Variants in CWC27 observed in about 807,000 individuals in gnomAD.
CWC27 encodes spliceosome-associated protein CWC27 homolog.
In CWC27, 47 loss-of-function variants were observed where a neutral mutation model predicts 63.6. The ratio of observed to expected loss-of-function variants is 0.74; its 90% confidence interval spans 0.58 to 0.94. The LOEUF (loss-of-function observed/expected upper bound fraction) is 0.94. CWC27 is among the 40% of genes least tolerant of loss of function. The pLI is 0.00. For missense variants in CWC27, 495 were observed against 554.3 expected (o/e 0.89, Z 1.07); for synonymous variants, 175 against 179.8 (o/e 0.97, Z 0.22).
intron 11 of CWC27, among the ~76,000 whole-genome samples, chr5:64,968,861 T>A (rs551136440): frequency 6.6e-6 from 1 of 152,326 alleles, no homozygotes; most frequent in Non-Finnish European, 1.5e-5. Context: ...ACAGCTGTTT[T>A]TAAAAATTCT....
chr5:64,979,498 T>G (rs936402160), intron 13 of CWC27, among the ~76,000 whole-genome samples: 13 of 152,254 alleles, frequency 8.5e-5, no homozygotes, highest in African/African-American at 3.1e-4. Context: ...CAACATCATT[T>G]CTGTTCAGTA....
chr5:64,829,629 TA>T (rs974671475), intron 10 of CWC27, among the ~76,000 whole-genome samples: 45 of 149,748 alleles, frequency 3.0e-4, no homozygotes, highest in African/African-American at 9.1e-4. Flanking sequence ...ATCACTTTAA[TA>T]CTTTTATTCA....
At chr5:64,944,150 A>G (rs1398047454) in intron 11 of CWC27, among the ~76,000 whole-genome samples, 1 of 151,792 alleles carries the variant, frequency 6.6e-6, no homozygotes, top group Admixed American at 6.6e-5. Flanking sequence ...ATGCTCTTTC[A>G]TCATTATGAA....
intron 13 of CWC27, among the ~76,000 whole-genome samples, chr5:64,999,595 C>T (rs966095428): frequency 2.0e-5 from 3 of 152,046 alleles, no homozygotes; most frequent in Non-Finnish European, 1.5e-5. Flanking sequence ...GTATTTCATC[C>T]TTCTCTGCCT....
At chr5:64,826,054 T>C (rs1745347435) in intron 10 of CWC27, among the ~76,000 whole-genome samples, 2 of 147,464 alleles carry the variant, frequency 1.4e-5, no homozygotes, top group Non-Finnish European at 1.5e-5. Context: ...CCCACAATTG[T>C]ATAAGCTAAT....
chr5:64,907,754 G>A (rs1432020194), intron 11 of CWC27, among the ~76,000 whole-genome samples: 3 of 152,180 alleles, frequency 2.0e-5, no homozygotes, highest in Non-Finnish European at 4.4e-5. Flanking sequence ...TTTTCAAAGG[G>A]AATGCTTCCA....
chr5:65,010,704 A>G (rs1749937425), intron 13 of CWC27, among the ~76,000 whole-genome samples: 1 of 152,218 alleles, frequency 6.6e-6, no homozygotes, highest in Admixed American at 6.5e-5. Context: ...ATCATACACT[A>G]GACAGATGTC....
At chr5:64,922,674 T>C (rs1311344217) in intron 11 of CWC27, among the ~76,000 whole-genome samples, 1 of 152,220 alleles carries the variant, frequency 6.6e-6, no homozygotes, top group Non-Finnish European at 1.5e-5. Flanking sequence ...GTGTGATTGT[T>C]TGGAGATAAG....
chr5:64,807,556 T>C, intron 10 of CWC27: 2 of 1,492,056 alleles, frequency 1.3e-6, no homozygotes, highest in East Asian at 4.9e-5. Flanking sequence ...TAATCCCTTG[T>C]CTCTTCCCTT....
intron 10 of CWC27, among the ~76,000 whole-genome samples, chr5:64,844,350 G>C (rs530983319): frequency 5.3e-5 from 8 of 152,230 alleles, no homozygotes; most frequent in African/African-American, 1.9e-4. Flanking sequence ...TGTGATGCCT[G>C]GTCACAGATA....
intron 11 of CWC27, among the ~76,000 whole-genome samples, chr5:64,937,708 CTAT>C: frequency 6.6e-6 from 1 of 152,148 alleles, no homozygotes; most frequent in Admixed American, 6.5e-5. Flanking sequence ...AAGTCTTCCA[CTAT>C]TATTATGTGG....
In CWC27 at chr5:64,937,921, C is replaced by CTTTTTT. The variant is rs1211082437; in HGVS notation, c.1043-33768_1043-33763dup. On this transcript the variant is annotated intron_variant, in intron 11 of 13. Coordinates refer to ENST00000381070, the MANE Select transcript of CWC27 (RefSeq NM_005869.4). ...TCAGAGACTGGGATTGCAATCTCTG[C>CTTTTTT]TTTTTTTTTTTTTTTTTTTGCTTTC... 1.9e-3 allele frequency among the ~76,000 whole-genome samples: 193 copies of CTTTTTT among 99,236 alleles called. 1 individual carries two copies. The highest frequency in any genetic ancestry group is 7.6e-3 in the African/African-American group (172 of 22,488). The allele number at this position is 99,236 out of a possible 152,430, so 65.1% of individuals were successfully genotyped here.
At chr5:65,000,963 G>A (rs1749722071) in intron 13 of CWC27, among the ~76,000 whole-genome samples, 1 of 151,904 alleles carries the variant, frequency 6.6e-6, no homozygotes, top group African/African-American at 2.4e-5. Flanking sequence ...ATAAGCAGAG[G>A]ATGTCTTTTC....
In CWC27 at chr5:64,786,523, G is replaced by T. The variant is rs1345018607; in HGVS notation, c.496-1G>T. On this transcript the variant is annotated splice_acceptor_variant, in intron 5 of 13. Transcript: ENST00000381070. LOFTEE classifies it high-confidence loss of function. ...TGTTTTCGAAATATTTTTTTTCATA[G>T]GTTTTGTTTAATCCTTTTGATGACA... 2 of 1,520,216 alleles carry T rather than the reference G, an allele frequency of 1.3e-6. No individual in the cohort carries two copies. The highest frequency in any genetic ancestry group is 1.4e-5 in the African/African-American group (1 of 70,606). 94.2% of individuals were successfully genotyped at this position (1,520,216 alleles called of 1,614,324 possible). A position where few individuals can be genotyped will look rare whatever the true frequency, so the allele number is the denominator to read the frequency against.
chr5:64,948,308 T>C (rs1314064625), intron 11 of CWC27, among the ~76,000 whole-genome samples: 1 of 152,088 alleles, frequency 6.6e-6, no homozygotes, highest in Non-Finnish European at 1.5e-5. Flanking sequence ...AATATTGTTT[T>C]ATGATATTTC....
chr5:64,967,790 C>T (rs1046480685), intron 11 of CWC27, among the ~76,000 whole-genome samples: 5 of 151,696 alleles, frequency 3.3e-5, no homozygotes, highest in African/African-American at 7.3e-5. Context: ...TATATCTTAA[C>T]AGAAAAGCTA....
chr5:64,830,829 CT>C, intron 10 of CWC27, among the ~76,000 whole-genome samples: 1 of 152,108 alleles, frequency 6.6e-6, no homozygotes, highest in Non-Finnish European at 1.5e-5. Flanking sequence ...TGAACTCATC[CT>C]TTTTTATGGC....
chr5:64,782,033 A>C lies in CWC27; in HGVS notation c.252A>C (p.Lys84Asn), dbSNP rs377591015. 6 of 1,364,758 alleles carry C rather than the reference A, an allele frequency of 4.4e-6. No homozygotes were observed. The highest frequency in any genetic ancestry group is 4.1e-6 in the Non-Finnish European group (4 of 983,774). 84.5% of individuals were successfully genotyped at this position (1,364,758 alleles called of 1,614,324 possible). The change falls in exon 3 of 14, where the codon AAA becomes AAC. Residue 84 changes from lysine to asparagine, a missense_variant and splice_region_variant. Lys to Asn is a moderately conservative substitution (Grantham distance 94). Coordinates refer to ENST00000381070, the MANE Select transcript of CWC27 (RefSeq NM_005869.4). ...AGTCTATCTATGGAGCGCCATTCAA[A>C]GTAAGACTGAATTATTATTTTTATT... Reference protein sequence around the residue: ...GGESIYGAPFKDEFHSRLRFN... With the variant: ...GGESIYGAPFNDEFHSRLRFN...
chr5:64,871,614 A>G (rs921314256), intron 10 of CWC27, among the ~76,000 whole-genome samples: 5 of 152,114 alleles, frequency 3.3e-5, no homozygotes, highest in African/African-American at 1.2e-4. Context: ...AGGAGTTTGG[A>G]CTTTGAGAAT....
Sources: allele counts gnomAD v4.1 joint callset (sites outside exome capture counted in the v4.1 genomes callset), GRCh38; gene constraint gnomAD v4.1.1; transcripts MANE v1.5; gene names NCBI Gene and HGNC (gene_info 2026-07-23, HGNC 2026-07-21).